Variants in LMNTD1 observed in about 807,000 individuals in gnomAD.
LMNTD1 encodes lamin tail domain containing 1, also known as lamin tail domain-containing protein 1.
Under a neutral mutation model 50.9 loss-of-function variants are expected in LMNTD1, and 35 were observed. That is an observed-to-expected ratio of 0.69 (90% confidence interval 0.53 to 0.91). LMNTD1 has a LOEUF of 0.91. Among genes scored for constraint, LMNTD1 ranks in the 40% least tolerant of loss-of-function variants. LMNTD1 has a pLI of 0.00. For missense variants in LMNTD1, 470 were observed against 475.5 expected, an observed-to-expected ratio of 0.99 and a Z score of 0.11; for synonymous variants, 153 against 161.9, an observed-to-expected ratio of 0.94 and a Z score of 0.42.
chr12:25,623,587 G>C (rs991655045), intron 1 of LMNTD1, among the ~76,000 whole-genome samples: 16 of 133,164 alleles, frequency 1.2e-4, no homozygotes, highest in Non-Finnish European at 1.6e-5. Context: ...AAAAAGGAGA[G>C]AAAGCATGCA....
At chr12:25,524,105 A>G (rs1169669096) in intron 6 of LMNTD1, among the ~76,000 whole-genome samples, 3 of 152,224 alleles carry the variant, frequency 2.0e-5, no homozygotes, top group Non-Finnish European at 2.9e-5. Context: ...CTACAGATTC[A>G]CAACACATGG....
intron 2 of LMNTD1, among the ~76,000 whole-genome samples, chr12:25,551,380 A>AT (rs1943735809): frequency 6.8e-6 from 1 of 146,716 alleles, no homozygotes; most frequent in South Asian, 2.2e-4. Context: ...TGAATAAGAA[A>AT]TTTTTTTCTT....
At chr12:25,558,855 T>C (rs188452346) in intron 1 of LMNTD1, among the ~76,000 whole-genome samples, 181 of 152,234 alleles carry the variant, frequency 1.2e-3, no homozygotes, top group African/African-American at 4.3e-3. Context: ...GTCCCTCCCA[T>C]GACACGTGGG....
At chr12:25,517,003 A>G (rs1940836156) in intron 8 of LMNTD1, among the ~76,000 whole-genome samples, 3 of 145,634 alleles carry the variant, frequency 2.1e-5, no homozygotes, top group African/African-American at 7.5e-5. Context: ...TAAAACCACA[A>G]TGAGATACCA....
chr12:25,505,377 T>G (rs1939677449), intron 8 of LMNTD1, among the ~76,000 whole-genome samples: 1 of 152,158 alleles, frequency 6.6e-6, no homozygotes, highest in African/African-American at 2.4e-5. Flanking sequence ...TGTTTTGAAA[T>G]AAAATATCTG....
chr12:25,494,928 A>G (rs992941720), intron 9 of LMNTD1, among the ~76,000 whole-genome samples: 3 of 152,178 alleles, frequency 2.0e-5, no homozygotes, highest in Middle Eastern at 3.2e-3. Context: ...GGGGTGTAAA[A>G]TAGATTTCCA....
chr12:25,573,889 A>G (rs963489371), intron 1 of LMNTD1, among the ~76,000 whole-genome samples: 5 of 152,010 alleles, frequency 3.3e-5, no homozygotes, highest in African/African-American at 1.2e-4. Flanking sequence ...ACTGGACTTG[A>G]GTTTGCCTCA....
chr12:25,631,103 T>C (rs1408259981), intron 1 of LMNTD1, among the ~76,000 whole-genome samples: 1 of 152,088 alleles, frequency 6.6e-6, no homozygotes, highest in Admixed American at 6.6e-5. Flanking sequence ...CATAACTCCA[T>C]TGGCCTGGGG....
At chr12:25,567,109 C>T (rs1320017132) in intron 1 of LMNTD1, among the ~76,000 whole-genome samples, 1 of 152,042 alleles carries the variant, frequency 6.6e-6, no homozygotes, top group African/African-American at 2.4e-5. Flanking sequence ...TTGTTTGAGA[C>T]CATGTGTGTG....
chr12:25,515,265 T>C (rs1344799153), intron 8 of LMNTD1, among the ~76,000 whole-genome samples: 1 of 151,920 alleles, frequency 6.6e-6, no homozygotes, highest in Non-Finnish European at 1.5e-5. Flanking sequence ...AAAACATTAA[T>C]AGGGGAATAA....
At chr12:25,515,535 T>A (rs538905069) in intron 8 of LMNTD1, among the ~76,000 whole-genome samples, 33 of 152,180 alleles carry the variant, frequency 2.2e-4, no homozygotes, top group African/African-American at 7.9e-4. Context: ...GAACTGCAAA[T>A]ACAATTAAAG....
At chr12:25,487,246 C>A (rs1209422553) in intron 9 of LMNTD1, among the ~76,000 whole-genome samples, 1,640 of 114,640 alleles carry the variant, frequency 0.014, 48 homozygotes, top group African/African-American at 0.053. Context: ...TTAAAGTCTC[C>A]CATTATTAAT....
chr12:25,583,188 A>ATTTTTTTTTTT (rs10699058), intron 1 of LMNTD1, among the ~76,000 whole-genome samples: 1 of 139,210 alleles, frequency 7.2e-6, no homozygotes. Context: ...CGCCTGGCTA[A>ATTTTTTTTTTT]TTTTTTTTTT....
chr12:25,635,879 G>A (rs1014831383), intron 1 of LMNTD1, among the ~76,000 whole-genome samples: 2 of 152,160 alleles, frequency 1.3e-5, no homozygotes, highest in Non-Finnish European at 2.9e-5. Context: ...AACATAAATT[G>A]GAGAAAGGAC....
chr12:25,614,086 A>G (rs1176889022), intron 1 of LMNTD1, among the ~76,000 whole-genome samples: 1 of 152,024 alleles, frequency 6.6e-6, no homozygotes, highest in African/African-American at 2.4e-5. Context: ...AAAAAAAAGT[A>G]TCTAAAAAAA....
chr12:25,562,401 G>C (rs1198407427), intron 1 of LMNTD1, among the ~76,000 whole-genome samples: 1 of 152,178 alleles, frequency 6.6e-6, no homozygotes, highest in African/African-American at 2.4e-5. Flanking sequence ...ATGAAGCTTA[G>C]TTTGGCTGGA....
chr12:25,625,478 T>C (rs1946569127), intron 1 of LMNTD1, among the ~76,000 whole-genome samples: 1 of 152,090 alleles, frequency 6.6e-6, no homozygotes, highest in Non-Finnish European at 1.5e-5. Flanking sequence ...CCTATGTTTC[T>C]ATATCTATGA....
At chr12:25,571,815 GA>G (rs1249552421) in intron 1 of LMNTD1, among the ~76,000 whole-genome samples, 1 of 151,980 alleles carries the variant, frequency 6.6e-6, no homozygotes, top group Non-Finnish European at 1.5e-5. Context: ...GATTACAGGT[GA>G]CCACCACCAT....
intron 2 of LMNTD1, among the ~76,000 whole-genome samples, chr12:25,551,066 T>G (rs1943717119): frequency 1.3e-5 from 2 of 152,184 alleles, no homozygotes; most frequent in Admixed American, 6.5e-5. Context: ...TTACAGATAT[T>G]TCATCTGTGT....
Sources: allele counts gnomAD v4.1 joint callset (sites outside exome capture counted in the v4.1 genomes callset), GRCh38; gene constraint gnomAD v4.1.1; transcripts MANE v1.5; gene names NCBI Gene and HGNC (gene_info 2026-07-23, HGNC 2026-07-21).